PSMD3: variants seen among roughly 807,000 people sequenced by gnomAD.
The protein encoded by PSMD3 is proteasome 26S subunit, non-ATPase 3.
A neutral mutation model predicts 62.8 loss-of-function variants in PSMD3; 5 were observed. That is an observed-to-expected ratio of 0.08 (90% CI 0.04 to 0.17). The LOEUF is 0.17. PSMD3 is among the 10% of genes least tolerant of loss of function. The pLI, the probability that PSMD3 is intolerant of heterozygous loss-of-function variation, is 1.00. For synonymous variants in PSMD3, 265 were observed against 283.9 expected (o/e 0.93, Z 0.67); for missense variants, 524 against 713.6 (o/e 0.73, Z 3.03).
chr17:39,986,146 A>AGCACGGTGGCACACTTATG (rs1441733639), intron 2 of PSMD3, among the ~76,000 whole-genome samples: 2 of 152,144 alleles, frequency 1.3e-5, no homozygotes, highest in Non-Finnish European at 2.9e-5. Flanking sequence ...CCCAGGCTGA[A>AGCACGGTGGCACACTTATG]GCACGGTGGC....
intron 1 of PSMD3, among the ~76,000 whole-genome samples, chr17:39,984,071 G>A (rs934891877): frequency 2.0e-5 from 3 of 152,004 alleles, no homozygotes; most frequent in African/African-American, 7.2e-5. Context: ...GTGGTGGCGG[G>A]TGCCTGTAGT....
Position 39,995,337 on chromosome 17 carries a change from C to A in PSMD3, c.1216+42C>A. The stretch of plus-strand genomic sequence containing the variant: ...GAGGGGCTGTTGGAGGAGCAGAAGC[C>A]AGGCCAGGGCAAACCTAGTGGGTAT... On this transcript the variant is annotated intron_variant, in intron 8 of 11. Coordinates refer to ENST00000264639, the MANE Select transcript of PSMD3 (RefSeq NM_002809.4). This position sits in a 1 kb window ranked among gnomAD's most constrained non-coding sequence, Gnocchi z 4.1. 1 of 1,614,084 alleles carries A rather than the reference C, an allele frequency of 6.2e-7. No individual in the cohort carries two copies. The highest frequency in any genetic ancestry group is 1.1e-5 in the South Asian group (1 of 91,082).
rs770109341 is a variant in PSMD3 at position 39,984,471 on chromosome 17, C to T, written c.398C>T (p.Pro133Leu). The part of the protein sequence containing the change: ...SNNATRDFLL[P>L]FLEEPMDTEA... ...AATGCCACTCGAGACTTTTTGCTCC[C>T]CTTCCTGGAAGAGGTGAGTGAGTCA... The change falls in exon 2 of 12, where the codon CCC becomes CTC. Residue 133 changes from proline (P) to leucine (L), a missense_variant. Physicochemically the swap from Pro to Leu is moderately conservative, Grantham distance 98. Coordinates refer to ENST00000264639, the MANE Select transcript of PSMD3 (RefSeq NM_002809.4). The T allele has an allele frequency of 6.8e-6, 11 of 1,611,506 alleles. No individual in the cohort carries two copies. The South Asian group carries it at 1.2e-4, about 18-fold the overall frequency.
At chr17:39,990,328 G>C in intron 6 of PSMD3, 131 bp downstream of exon 6, 1 of 773,670 alleles carries the variant, frequency 1.3e-6, no homozygotes, top group Non-Finnish European at 2.1e-6. Context: ...TTCCCAAAGT[G>C]CTGGGATCAC....
rs59894264 is a variant in PSMD3 at position 39,992,024 on chromosome 17, C to CAAAAAAAAAAAAAAAAAA, written c.981+1836_981+1837insAAAAAAAAAAAAAAAAAA. On this transcript the variant is annotated intron_variant, in intron 6 of 11. Transcript: ENST00000264639. ...TGGGCGACAGAGCAAGACTCTGTCTCAAAAAAAAACAAACATTAAAATTGA... is the reference window on the plus strand; with the variant it reads ...TGGGCGACAGAGCAAGACTCTGTCTCAAAAAAAAAAAAAAAAAAAAAAAAAAACAAACATTAAAATTGA... Among the ~76,000 whole-genome samples, 5 of 102,068 alleles carry CAAAAAAAAAAAAAAAAAA rather than the reference C, an allele frequency of 4.9e-5. 1 individual carries two copies. Among genetic ancestry groups the CAAAAAAAAAAAAAAAAAA allele is most frequent in the Non-Finnish European group, 1.1e-4 (5 of 46,568 alleles). The allele number at this position is 102,068 out of a possible 152,430, so 67.0% of individuals were successfully genotyped here.
In PSMD3 at chr17:39,981,046, C is replaced by A. The variant is rs1292151716; in HGVS notation, c.76C>A (p.Pro26Thr). 6.5e-7 allele frequency: 1 copy of A among 1,549,668 alleles called. No individual in the cohort carries two copies. The highest frequency in any genetic ancestry group is 8.7e-7 in the Non-Finnish European group (1 of 1,146,684). The change falls in exon 1 of 12, where the codon CCC becomes ACC. Residue 26 changes from proline (P) to threonine (T), a missense_variant. Around this residue, in one of 4 missense-constraint regions of PSMD3, gnomAD observed 396 missense variants for 475.8 expected, o/e 0.83. Transcript: ENST00000264639. ...GCCGCCCGGCGGAGGAGAACAAGAACCCCCACCGCCGCCGGCCCCCCAGGA... is the reference window on the plus strand; with the variant it reads ...GCCGCCCGGCGGAGGAGAACAAGAAACCCCACCGCCGCCGGCCCCCCAGGA... ...KPPPGGGEQE[P>T]PPPPAPQDVE...
In PSMD3 at chr17:39,981,239, C is replaced by T. The variant is rs1387314749; in HGVS notation, c.220+49C>T. On this transcript the variant is annotated intron_variant, in intron 1 of 11. Transcript: ENST00000264639. Reference sequence around the variant, plus strand: ...GTGCCGCGATCGCGGGTGACAGCGACCCCTGTGATTTGGCTTCTTGCTGGG... The same window carrying T: ...GTGCCGCGATCGCGGGTGACAGCGATCCCTGTGATTTGGCTTCTTGCTGGG... 7 of 1,546,332 alleles carry T rather than the reference C, an allele frequency of 4.5e-6. No homozygotes were observed. In the African/African-American group the frequency reaches 6.9e-5, roughly 15 times the overall value.
intron 10 of PSMD3, 93 bp from the exon 11 acceptor site, chr17:39,997,237 C>A: frequency 2.4e-6 from 3 of 1,260,220 alleles, no homozygotes; most frequent in South Asian, 1.2e-5. Flanking sequence ...TGCCTGGTGT[C>A]TAGCTCACAG....
At chr17:39,990,292 G>A in intron 6 of PSMD3, 95 bp downstream of exon 6, 2 of 1,060,358 alleles carry the variant, frequency 1.9e-6, no homozygotes, top group Non-Finnish European at 2.7e-6. Context: ...TGAACTCCTG[G>A]GTTCAAGAAG....
chr17:39,994,052 A>T (rs925317860), intron 6 of PSMD3: 1 of 152,050 alleles, frequency 6.6e-6, no homozygotes, highest in Non-Finnish European at 1.5e-5. Flanking sequence ...TTCAATCTGT[A>T]CCCTTGACCC....
At chr17:39,991,620 TCTTGAC>T (rs373285062) in intron 6 of PSMD3, among the ~76,000 whole-genome samples, 5 of 152,312 alleles carry the variant, frequency 3.3e-5, no homozygotes, top group African/African-American at 1.2e-4. Flanking sequence ...CTCCATGGTG[TCTTGAC>T]AGGGAACGGG....
chr17:39,993,683 C>T (rs971846500), intron 6 of PSMD3: 1 of 152,332 alleles, frequency 6.6e-6, no homozygotes, highest in African/African-American at 2.4e-5. Context: ...GGTCATCTTC[C>T]TCTCCAGCAG....
intron 11 of PSMD3, 53 bp downstream of exon 11, chr17:39,997,433 G>A: frequency 6.9e-6 from 11 of 1,593,564 alleles, no homozygotes; most frequent in Non-Finnish European, 9.4e-6. Flanking sequence ...CCACACAGAA[G>A]GGGAGTCGGG....
chr17:39,996,128 A>C lies in PSMD3; in HGVS notation c.1321-55A>C. The C allele has an allele frequency of 6.2e-7, 1 of 1,606,270 alleles. No homozygotes were observed. ...AGAGCGAGACTCCATCTCAAAAAAA[A>C]AAAAAAAGAAGAAGCTGGGTGTGCT... On this transcript the variant is annotated intron_variant, in intron 9 of 11. Coordinates refer to ENST00000264639, the MANE Select transcript of PSMD3 (RefSeq NM_002809.4). The surrounding 1 kb of genome is among the most constrained non-coding windows in gnomAD (Gnocchi z 5.1).
rs558701274 is a variant in PSMD3 at position 39,986,388 on chromosome 17, A to G, written c.412-187A>G. On this transcript the variant is annotated intron_variant, in intron 2 of 11. Transcript: ENST00000264639. ...TGGCACTACCGGCGTGAGCCACCAC[A>G]CCCAGCTCCTCCTTGATTTCTTTGG... 6.2e-4 allele frequency among the ~76,000 whole-genome samples: 94 copies of G among 152,164 alleles called. 1 individual carries two copies. The highest frequency in any genetic ancestry group is 7.4e-5 in the Non-Finnish European group (5 of 67,990).
In PSMD3 at chr17:39,996,451, C is replaced by T; in HGVS notation, c.1476+113C>T. The T allele has an allele frequency of 2.1e-6, 3 of 1,400,388 alleles. No individual in the cohort carries two copies. The highest frequency in any genetic ancestry group is 2.9e-6 in the Non-Finnish European group (3 of 1,022,138). 86.7% of individuals were successfully genotyped at this position (1,400,388 alleles called of 1,614,324 possible). ...ATTTGTGGCCCACGTCCCAGCCAAT[C>T]TCTGTAAAATCACTGAGCTGCAGCA... On this transcript the variant is annotated intron_variant, in intron 10 of 11. Coordinates refer to ENST00000264639, the MANE Select transcript of PSMD3 (RefSeq NM_002809.4). The surrounding 1 kb of genome is among the most constrained non-coding windows in gnomAD (Gnocchi z 5.1).
Position 39,995,483 on chromosome 17 carries a change from C to T in PSMD3, c.1276C>T (p.Leu426=). 6.2e-7 allele frequency: 1 copy of T among 1,614,108 alleles called. No individual in the cohort carries two copies. Among genetic ancestry groups the T allele is most frequent in the Non-Finnish European group, 8.5e-7 (1 of 1,179,986 alleles). The part of the protein sequence containing the change: ...RISLADIAQK[L]QLDSPEDAEF... ...CTCCTTGGCTGACATCGCCCAGAAGCTGCAGTTGGATAGCCCCGAAGATGC... is the reference window on the plus strand; with the variant it reads ...CTCCTTGGCTGACATCGCCCAGAAGTTGCAGTTGGATAGCCCCGAAGATGC... The change falls in exon 9 of 12, where the codon CTG becomes TTG. Residue 426 remains leucine (L), a synonymous_variant. Coordinates refer to ENST00000264639, the MANE Select transcript of PSMD3 (RefSeq NM_002809.4). The surrounding 1 kb of genome is among the most constrained non-coding windows in gnomAD (Gnocchi z 4.1).
At chr17:39,992,447 A>ATTCAGAGAGTCTCT (rs1980680778) in intron 6 of PSMD3, among the ~76,000 whole-genome samples, 1 of 152,128 alleles carries the variant, frequency 6.6e-6, no homozygotes, top group Non-Finnish European at 1.5e-5. Flanking sequence ...ATGAAGCTGT[A>ATTCAGAGAGTCTCT]GATTCCGATT....
At position 39,996,190 on chromosome 17, in the gene PSMD3, G is replaced by A. The variant is rs1402710370; in HGVS notation, c.1328G>A (p.Arg443Gln). 13 of 1,613,642 alleles carry A rather than the reference G, an allele frequency of 8.1e-6. No individual in the cohort carries two copies. Among genetic ancestry groups the A allele is most frequent in the East Asian group, 2.2e-5 (1 of 44,862 alleles). ...CTCTTTGGGGGCCTGCAGGCCATCC[G>A]GGATGGTGTCATTGAGGCCAGCATC... Reference protein sequence around the residue: ...DAEFIVAKAIRDGVIEASINH... With the variant: ...DAEFIVAKAIQDGVIEASINH... Residue 443 changes from arginine (R) to glutamine (Q), a missense_variant, in exon 10 of 12, where the codon CGG (arginine) becomes CAG (glutamine). By Grantham distance (43) the Arg-to-Gln change is conservative. Transcript: ENST00000264639. This position sits in a 1 kb window ranked among gnomAD's most constrained non-coding sequence, Gnocchi z 5.1.
Sources: gnomAD v4.1 joint callset for allele counts (sites outside exome capture counted in the v4.1 genomes callset) on GRCh38, gnomAD v4.1.1 for gene constraint, gnomAD v4.1.1 regional missense constraint, Gnocchi (gnomAD v3.1) non-coding constraint, MANE v1.5 for transcripts, NCBI Gene and HGNC (gene_info 2026-07-23, HGNC 2026-07-21) for gene names.